Variants in PCDHGA4 observed in about 807,000 individuals in gnomAD.
PCDHGA4 encodes protocadherin gamma subfamily A, 4.
PCDHGA4 carries 38 observed loss-of-function variants against 54.6 expected under a neutral mutation model. The ratio of observed to expected loss-of-function variants is 0.70; its 90% CI spans 0.54 to 0.91. The LOEUF is 0.91. PCDHGA4 is among the 40% of genes least tolerant of loss of function. The pLI, the probability that PCDHGA4 is intolerant of heterozygous loss-of-function variation, is 0.00. For missense variants in PCDHGA4, 1,298 were observed against 1,220.9 expected (o/e 1.06, Z -0.94); for synonymous variants, 511 against 512.9 (o/e 1.00, Z 0.05).
chr5:141,478,553 T>C, intron 1 of PCDHGA4: 1 of 1,602,704 alleles, frequency 6.2e-7, no homozygotes. Context: ...ACAGGTAAGG[T>C]TTAGCAAGTC....
At chr5:141,427,067 G>A (rs1170378664) in intron 1 of PCDHGA4, 1 of 457,930 alleles carries the variant, frequency 2.2e-6, no homozygotes, top group Non-Finnish European at 4.4e-6. Context: ...CTGTACTAAA[G>A]GTGACAGCCA....
At chr5:141,363,434 A>G (rs1040594076) in intron 1 of PCDHGA4, among the ~76,000 whole-genome samples, 4 of 152,234 alleles carry the variant, frequency 2.6e-5, no homozygotes, top group African/African-American at 9.6e-5. Flanking sequence ...CAACATAGAA[A>G]GGTCACTCAG....
chr5:141,452,951 G>T (rs1397204185), intron 1 of PCDHGA4, among the ~76,000 whole-genome samples: 13 of 152,154 alleles, frequency 8.5e-5, no homozygotes, highest in Admixed American at 8.5e-4. Context: ...GCAATTGGTT[G>T]TCTTTAAACT....
At position 141,356,736 on chromosome 5, in the gene PCDHGA4, G is replaced by A. The variant is rs748701559; in HGVS notation, c.1629G>A (p.Gly543=). The A allele has an allele frequency of 4.3e-6, 7 of 1,613,970 alleles. No individual in the cohort carries two copies. In the South Asian group the frequency reaches 5.5e-5, roughly 13 times the overall value. ...SSYVSINSNT[G]ILYALCSFDY... is the part of the protein sequence containing the mutation. ...ATGTCTCCATCAACTCCAATACAGG[G>A]ATCCTATATGCTCTTTGCTCCTTCG... Residue 543 remains glycine, a synonymous_variant, in exon 1 of 4, where the codon GGG becomes GGA. Transcript: ENST00000571252.
At chr5:141,422,963 C>A (rs372620011) in intron 1 of PCDHGA4, 1 of 1,614,120 alleles carries the variant, frequency 6.2e-7, no homozygotes, top group Non-Finnish European at 8.5e-7. Flanking sequence ...GTGGAGCTGG[C>A]GCCCCGCTCT....
intron 1 of PCDHGA4, among the ~76,000 whole-genome samples, chr5:141,457,067 G>A (rs946526462): frequency 1.3e-5 from 2 of 152,166 alleles, no homozygotes; most frequent in Non-Finnish European, 2.9e-5. Flanking sequence ...CTTTTTGCCA[G>A]TAACTATTAT....
chr5:141,489,354 G>A lies in PCDHGA4; in HGVS notation c.2515-5453G>A, dbSNP rs773010251. On this transcript the variant is annotated intron_variant, in intron 1 of 3. Coordinates refer to ENST00000571252, the MANE Select transcript of PCDHGA4 (RefSeq NM_018917.4). The surrounding 1 kb of genome is among the most constrained non-coding windows in gnomAD (Gnocchi z 4.5). ...AGCTTCGTTACTCAGTGGTGGAGGA[G>A]TCTGAGCCGGGGACGCTGGTGGGGA... The A allele has an allele frequency of 1.2e-5, 19 of 1,612,796 alleles. No homozygotes were observed. Among genetic ancestry groups the A allele is most frequent in the East Asian group, 2.2e-5 (1 of 44,868 alleles).
Position 141,490,532 on chromosome 5 carries a change from C to T in PCDHGA4, c.2515-4275C>T. Reference sequence around the variant, plus strand: ...GAGCTGCTGGCCAGCGATGCTGGTTCACCTTCCCTACACAAACATCTCACC... The same window carrying T: ...GAGCTGCTGGCCAGCGATGCTGGTTTACCTTCCCTACACAAACATCTCACC... On this transcript the variant is annotated intron_variant, in intron 1 of 3. Coordinates refer to ENST00000571252, the MANE Select transcript of PCDHGA4 (RefSeq NM_018917.4). This position sits in a 1 kb window ranked among gnomAD's most constrained non-coding sequence, Gnocchi z 5.4. 6.2e-7 allele frequency: 1 copy of T among 1,614,142 alleles called. No homozygotes were observed. Among genetic ancestry groups the T allele is most frequent in the Non-Finnish European group, 8.5e-7 (1 of 1,180,030 alleles).
chr5:141,432,652 C>T lies in PCDHGA4; in HGVS notation c.2515-62155C>T, dbSNP rs1004936183. On this transcript the variant is annotated intron_variant, in intron 1 of 3. Transcript: ENST00000571252. This position sits in a 1 kb window ranked among gnomAD's most constrained non-coding sequence, Gnocchi z 6.0. ...CGGGCGAGGTGCGCACGGCGCGAGC[C>T]CTGCTGGACAGAGACGCGCTCAAGC... The T allele has an allele frequency of 6.2e-7, 1 of 1,613,836 alleles. No individual in the cohort carries two copies. Among genetic ancestry groups the T allele is most frequent in the East Asian group, 2.2e-5 (1 of 44,860 alleles).
chr5:141,494,746 C>A lies in PCDHGA4; in HGVS notation c.2515-61C>A. 3 of 1,613,088 alleles carry A rather than the reference C, an allele frequency of 1.9e-6. No individual in the cohort carries two copies. The South Asian group carries it at 3.3e-5, about 18-fold the overall frequency. On this transcript the variant is annotated intron_variant, in intron 1 of 3. Coordinates refer to ENST00000571252, the MANE Select transcript of PCDHGA4 (RefSeq NM_018917.4). ...TTCTCTCCCGGCCCATCCCTAGGGG[C>A]TCGGGTGACATTCTAACTTCTCACG...
chr5:141,426,646 T>C (rs764903298), intron 1 of PCDHGA4: 1 of 416,448 alleles, frequency 2.4e-6, no homozygotes, highest in South Asian at 1.7e-5. Flanking sequence ...ATAAATGTGA[T>C]GATAGAAGAT....
chr5:141,413,442 C>T, intron 1 of PCDHGA4: 5 of 1,614,090 alleles, frequency 3.1e-6, no homozygotes, highest in Non-Finnish European at 8.5e-7. Flanking sequence ...GCAGCTTGAT[C>T]ACCGCGGGCA....
chr5:141,435,372 T>C (rs2097759153), intron 1 of PCDHGA4, among the ~76,000 whole-genome samples: 1 of 152,216 alleles, frequency 6.6e-6, no homozygotes, highest in African/African-American at 2.4e-5. Context: ...CACTTAAATA[T>C]ACAATATACC....
chr5:141,492,257 A>G (rs955890030), intron 1 of PCDHGA4, among the ~76,000 whole-genome samples: 1 of 152,126 alleles, frequency 6.6e-6, no homozygotes, highest in Non-Finnish European at 1.5e-5. Flanking sequence ...GGCCCACACA[A>G]GTTGCACGGG....
chr5:141,478,882 A>G, intron 1 of PCDHGA4: 1 of 1,200,164 alleles, frequency 8.3e-7, no homozygotes. Context: ...TTAGCTTGGT[A>G]TCATTTACAT....
At chr5:141,371,906 C>G in intron 1 of PCDHGA4, 1 of 1,613,406 alleles carries the variant, frequency 6.2e-7, no homozygotes, top group Non-Finnish European at 8.5e-7. Flanking sequence ...TGTCGTCCTA[C>G]GTGTCCGTGA....
intron 1 of PCDHGA4, chr5:141,375,005 G>A (rs757710290): frequency 1.2e-6 from 2 of 1,613,892 alleles, no homozygotes; most frequent in African/African-American, 2.7e-5. Context: ...TGCAAATCTA[G>A]ACTATGAGGA....
intron 3 of PCDHGA4, among the ~76,000 whole-genome samples, chr5:141,509,841 C>T (rs546036990): frequency 2.0e-5 from 3 of 152,326 alleles, no homozygotes; most frequent in African/African-American, 7.2e-5. Context: ...ACCTCCCATT[C>T]ACTCAGAACA....
At chr5:141,484,071 T>C (rs1405337642) in intron 1 of PCDHGA4, among the ~76,000 whole-genome samples, 1 of 152,144 alleles carries the variant, frequency 6.6e-6, no homozygotes, top group Non-Finnish European at 1.5e-5. Flanking sequence ...GTGAAAAGCT[T>C]GCTCTTTTGA....
Sources: gnomAD v4.1 joint callset for allele counts (sites outside exome capture counted in the v4.1 genomes callset) on GRCh38, gnomAD v4.1.1 for gene constraint, Gnocchi (gnomAD v3.1) non-coding constraint, MANE v1.5 for transcripts, NCBI Gene and HGNC (gene_info 2026-07-23, HGNC 2026-07-21) for gene names.